Variants in SRPK2 observed in about 807,000 individuals in gnomAD.
The protein encoded by SRPK2 is SFRS protein kinase 2.
In SRPK2, 21 loss-of-function variants were observed where a neutral mutation model predicts 90.8. The observed-to-expected ratio is 0.23, with a 90% CI of 0.16 to 0.33. SRPK2 has a LOEUF of 0.33. Ranked by LOEUF, SRPK2 falls within the 10% of genes least tolerant of loss-of-function variation. The pLI is 1.00. For synonymous variants in SRPK2, 288 were observed against 311.1 expected (o/e 0.93, Z 0.78); for missense variants, 620 against 869.0 (o/e 0.71, Z 3.60).
At chr7:105,305,080 A>G (rs1264440826) in intron 2 of SRPK2, among the ~76,000 whole-genome samples, 1 of 152,238 alleles carries the variant, frequency 6.6e-6, no homozygotes, top group Non-Finnish European at 1.5e-5. Context: ...TCATATTTTC[A>G]TAGGTTTCCA....
At chr7:105,195,054 G>T (rs531493059) in intron 3 of SRPK2, among the ~76,000 whole-genome samples, 11 of 152,214 alleles carry the variant, frequency 7.2e-5, no homozygotes, top group Admixed American at 2.0e-4. Context: ...TTTATTTTTT[G>T]TTTTTATTTT....
chr7:105,227,893 C>CAAAA (rs566478716), intron 2 of SRPK2, among the ~76,000 whole-genome samples: 10 of 84,684 alleles, frequency 1.2e-4, no homozygotes, highest in East Asian at 7.0e-4. Context: ...TATCATTCAG[C>CAAAA]AAAAAAAAAA....
At chr7:105,134,498 G>A (rs918667658) in intron 11 of SRPK2, among the ~76,000 whole-genome samples, 1 of 152,218 alleles carries the variant, frequency 6.6e-6, no homozygotes, top group African/African-American at 2.4e-5. Flanking sequence ...CGGGTTTCCG[G>A]TATTTTTTAC....
At chr7:105,395,044 A>C (rs1169500002) in intron 1 of SRPK2, among the ~76,000 whole-genome samples, 1 of 152,166 alleles carries the variant, frequency 6.6e-6, no homozygotes, top group Non-Finnish European at 1.5e-5. Flanking sequence ...GTGGCGGCAC[A>C]TGCCTATAAT....
At chr7:105,264,318 T>A (rs1370618694) in intron 2 of SRPK2, among the ~76,000 whole-genome samples, 1 of 152,186 alleles carries the variant, frequency 6.6e-6, no homozygotes, top group African/African-American at 2.4e-5. Context: ...CACCTTTGCA[T>A]ACGAGGCACC....
intron 15 of SRPK2, 94 bp from the exon 16 acceptor site, chr7:105,118,116 C>T: frequency 1.5e-6 from 2 of 1,293,466 alleles, no homozygotes; most frequent in Admixed American, 2.2e-5. Flanking sequence ...AAGCGGACAA[C>T]CACCTGCTCA....
intron 2 of SRPK2, among the ~76,000 whole-genome samples, chr7:105,278,572 GC>G (rs1448002666): frequency 9.3e-5 from 14 of 151,112 alleles, no homozygotes; most frequent in African/African-American, 3.4e-4. Context: ...TGTAGTCTGA[GC>G]TACTTGGGAA....
At chr7:105,140,970 AAAAG>A (rs997138190) in intron 11 of SRPK2, among the ~76,000 whole-genome samples, 9 of 152,210 alleles carry the variant, frequency 5.9e-5, no homozygotes, top group Admixed American at 1.3e-4. Flanking sequence ...CATAAAAAAA[AAAAG>A]AAACTTCAAG....
At chr7:105,275,516 C>T (rs575865985) in intron 2 of SRPK2, among the ~76,000 whole-genome samples, 7 of 152,122 alleles carry the variant, frequency 4.6e-5, no homozygotes, top group Non-Finnish European at 1.0e-4. Flanking sequence ...TTAAAAGATA[C>T]TCAAACTCCT....
chr7:105,358,148 C>T (rs564242174), intron 2 of SRPK2, among the ~76,000 whole-genome samples: 16 of 138,560 alleles, frequency 1.2e-4, no homozygotes, highest in Admixed American at 3.3e-4. Context: ...CGCTTGAACC[C>T]GGGAGGCGAA....
intron 2 of SRPK2, among the ~76,000 whole-genome samples, chr7:105,204,060 A>C (rs1795899232): frequency 6.6e-6 from 1 of 152,164 alleles, no homozygotes; most frequent in Non-Finnish European, 1.5e-5. Flanking sequence ...CAATGTTAGG[A>C]AATTTCAGTG....
At chr7:105,277,169 C>T (rs1369280288) in intron 2 of SRPK2, among the ~76,000 whole-genome samples, 2 of 152,056 alleles carry the variant, frequency 1.3e-5, no homozygotes, top group African/African-American at 2.4e-5. Flanking sequence ...CTCCGCCTCC[C>T]GGGTTCACAC....
Position 105,167,984 on chromosome 7 carries a change from C to G in SRPK2, c.426+24G>C, listed in dbSNP as rs780594349. 3.3e-6 allele frequency: 5 copies of G among 1,533,892 alleles called. No individual in the cohort carries two copies. The African/African-American group carries it at 5.5e-5, about 17-fold the overall frequency. On this transcript the variant is annotated intron_variant, in intron 5 of 15. Transcript: ENST00000393651. ...TTTAAGTCATTAAGTTTTCTTATAT[C>G]ATTCACATTTTTAAAGTACTTACAC... is the stretch of plus-strand genomic sequence containing the variant.
At chr7:105,362,044 A>T (rs1818482946) in intron 2 of SRPK2, among the ~76,000 whole-genome samples, 1 of 152,200 alleles carries the variant, frequency 6.6e-6, no homozygotes, top group Non-Finnish European at 1.5e-5. Flanking sequence ...CACGCACTAC[A>T]GAATGGGAGA....
intron 2 of SRPK2, among the ~76,000 whole-genome samples, chr7:105,258,546 C>T (rs1803712914): frequency 6.6e-6 from 1 of 152,084 alleles, no homozygotes; most frequent in Non-Finnish European, 1.5e-5. Context: ...AGTCCAGCAT[C>T]ATCCTGATAC....
At chr7:105,272,450 G>A (rs527968102) in intron 2 of SRPK2, among the ~76,000 whole-genome samples, 1 of 152,126 alleles carries the variant, frequency 6.6e-6, no homozygotes, top group South Asian at 2.1e-4. Flanking sequence ...TTTATTTTTA[G>A]TCATAATTTT....
At chr7:105,174,106 G>A (rs966404256) in intron 3 of SRPK2, among the ~76,000 whole-genome samples, 1 of 149,906 alleles carries the variant, frequency 6.7e-6, no homozygotes, top group African/African-American at 2.4e-5. Context: ...AACTCTTATC[G>A]GATTACAAAC....
At position 105,132,910 on chromosome 7, in the gene SRPK2, C is replaced by G. The variant is rs750891212; in HGVS notation, c.1645-12G>C. On this transcript the variant is annotated splice_polypyrimidine_tract_variant and intron_variant, in intron 12 of 15. Transcript: ENST00000393651. ...GTGAAGTGTTTATGCTGGAAGGGAA[C>G]AGGCTGCATTACCACGGAGCAACAC... The G allele has an allele frequency of 1.9e-6, 3 of 1,613,110 alleles. No individual in the cohort carries two copies. Among genetic ancestry groups the G allele is most frequent in the Admixed American group, 1.7e-5 (1 of 59,900 alleles).
chr7:105,242,200 G>A (rs1385816669), intron 2 of SRPK2, among the ~76,000 whole-genome samples: 1 of 151,960 alleles, frequency 6.6e-6, no homozygotes, highest in Non-Finnish European at 1.5e-5. Context: ...CTCTTCCTTT[G>A]CCTGCTTGTG....
Sources: allele counts gnomAD v4.1 joint callset (sites outside exome capture counted in the v4.1 genomes callset), GRCh38; gene constraint gnomAD v4.1.1; transcripts MANE v1.5; gene names NCBI Gene and HGNC (gene_info 2026-07-23, HGNC 2026-07-21).